SEMA5B: variants seen among roughly 807,000 people sequenced by gnomAD.
SEMA5B encodes the protein semaphorin 5B.
Under a neutral mutation model 135.0 loss-of-function variants are expected in SEMA5B, and 66 were observed. That is an observed-to-expected ratio of 0.49 (90% CI 0.40 to 0.60). The LOEUF (loss-of-function observed/expected upper bound fraction) is 0.60, where lower values mean the gene tolerates loss of function less well. SEMA5B is among the 20% of genes least tolerant of loss of function. The pLI is 0.00. For synonymous variants in SEMA5B, 690 were observed against 639.5 expected, an observed-to-expected ratio of 1.08 and a Z score of -1.19; for missense variants, 1,501 against 1,566.3, an observed-to-expected ratio of 0.96 and a Z score of 0.70.
chr3:122,953,738 T>A (rs1378852611), intron 2 of SEMA5B, among the ~76,000 whole-genome samples: 2 of 152,228 alleles, frequency 1.3e-5, no homozygotes, highest in African/African-American at 2.4e-5. Context: ...CCCATATCAC[T>A]GGAAATGTTA....
In SEMA5B at chr3:122,921,947, T is replaced by C. The variant is rs1372404058; in HGVS notation, c.1656A>G (p.Pro552=). 6.5e-6 allele frequency: 10 copies of C among 1,535,532 alleles called. No individual in the cohort carries two copies. The South Asian group carries it at 1.2e-4, about 18-fold the overall frequency. Reference sequence around the variant, plus strand: ...TGCGGTAGGCGGCGCACCTCTCCAGTGGGACCCGCAGGACGCCGTCTCTCA... The same window carrying C: ...TGCGGTAGGCGGCGCACCTCTCCAGCGGGACCCGCAGGACGCCGTCTCTCA... The part of the protein sequence containing the change: ...VGLRDGVLRV[P]LERCAAYRSQ... The change falls in exon 12 of 23, where the codon CCA becomes CCG. Residue 552 remains proline (P), a synonymous_variant. Coordinates refer to ENST00000357599, the MANE Select transcript of SEMA5B (RefSeq NM_001031702.4).
chr3:123,001,360 T>C (rs1055588266), intron 1 of SEMA5B, among the ~76,000 whole-genome samples: 3 of 152,054 alleles, frequency 2.0e-5, no homozygotes, highest in African/African-American at 7.3e-5. Flanking sequence ...GAACCATAGA[T>C]TTTGGAGAAG....
chr3:122,935,894 C>T (rs1211416516), intron 5 of SEMA5B, among the ~76,000 whole-genome samples: 7 of 151,640 alleles, frequency 4.6e-5, no homozygotes, highest in African/African-American at 7.3e-5. Flanking sequence ...GGTTTCACCA[C>T]GTTGGCCAGG....
intron 2 of SEMA5B, among the ~76,000 whole-genome samples, chr3:122,953,221 C>T (rs984663903): frequency 3.3e-5 from 5 of 152,156 alleles, no homozygotes; most frequent in African/African-American, 9.7e-5. Flanking sequence ...TCACTCTTTC[C>T]CACCCTCCCG....
At chr3:122,929,967 A>G (rs1251581897) in intron 5 of SEMA5B, among the ~76,000 whole-genome samples, 2 of 152,200 alleles carry the variant, frequency 1.3e-5, no homozygotes, top group African/African-American at 4.8e-5. Context: ...CAATGTCAAC[A>G]GCCCTGGCGT....
rs1942631419 is a variant in SEMA5B, at chr3:123,019,519, G to A, written c.-39+7945C>T. 2.0e-5 allele frequency among the ~76,000 whole-genome samples: 3 copies of A among 152,138 alleles called. No homozygotes were observed. In the South Asian group the frequency reaches 6.2e-4, roughly 32 times the overall value. On this transcript the variant is annotated intron_variant, in intron 1 of 22. Coordinates refer to ENST00000357599, the MANE Select transcript of SEMA5B (RefSeq NM_001031702.4). ...TGGGAGGATGGCTTAAGCATGGGAG[G>A]GTGAGCCTGCAGTGAGCTGTGATTG...
chr3:122,922,709 G>A (rs943116904), intron 10 of SEMA5B, among the ~76,000 whole-genome samples: 6 of 152,210 alleles, frequency 3.9e-5, no homozygotes, highest in African/African-American at 1.4e-4. Flanking sequence ...GGAGAGCAAA[G>A]GGGACTGGAC....
intron 1 of SEMA5B, among the ~76,000 whole-genome samples, chr3:123,005,259 C>T (rs1271009013): frequency 1.3e-5 from 2 of 152,164 alleles, no homozygotes; most frequent in Non-Finnish European, 2.9e-5. Flanking sequence ...TTATCTGTCA[C>T]CTATTAAAGG....
chr3:123,005,777 C>T (rs1055328314), intron 1 of SEMA5B, among the ~76,000 whole-genome samples: 11 of 152,158 alleles, frequency 7.2e-5, no homozygotes, highest in Non-Finnish European at 1.5e-5. Context: ...ATCCTGATCC[C>T]TGAAACACTC....
chr3:122,928,981 G>A lies in SEMA5B; in HGVS notation c.537+15C>T, dbSNP rs764025792. ...CAGCTCCAGGTGGGGCCCCTGGACC[G>A]CCGAGACCACGTACCTCAGTCTTCC... On this transcript the variant is annotated intron_variant, in intron 6 of 22. Transcript: ENST00000357599. 35 of 1,610,978 alleles carry A rather than the reference G, an allele frequency of 2.2e-5. No homozygotes were observed. The highest frequency in any genetic ancestry group is 1.7e-4 in the Middle Eastern group (1 of 6,046).
intron 5 of SEMA5B, 110 bp downstream of exon 5, chr3:122,939,315 C>T (rs2107513164): frequency 1.2e-6 from 1 of 851,666 alleles, no homozygotes; most frequent in South Asian, 1.4e-5. Context: ...CAAGTGGCTC[C>T]TGTTTTCAAC....
intron 1 of SEMA5B, among the ~76,000 whole-genome samples, chr3:122,968,431 G>C (rs1051949228): frequency 5.3e-5 from 8 of 152,202 alleles, no homozygotes; most frequent in Non-Finnish European, 8.8e-5. Context: ...GAGTCAGAGA[G>C]GGACGGTCGC....
At chr3:122,926,074 T>C (rs1938614610) in intron 9 of SEMA5B, among the ~76,000 whole-genome samples, 2 of 152,214 alleles carry the variant, frequency 1.3e-5, no homozygotes, top group Non-Finnish European at 2.9e-5. Flanking sequence ...CCTGTGGCTA[T>C]TGCTGCCTGC....
chr3:122,916,822 A>G (rs886086359), intron 12 of SEMA5B, among the ~76,000 whole-genome samples: 3 of 152,100 alleles, frequency 2.0e-5, no homozygotes, highest in Non-Finnish European at 4.4e-5. Flanking sequence ...GAATGAGCTC[A>G]AGCTGTAGGC....
chr3:122,943,033 C>A (rs1168251564), intron 4 of SEMA5B, among the ~76,000 whole-genome samples: 1 of 152,220 alleles, frequency 6.6e-6, no homozygotes, highest in African/African-American at 2.4e-5. Flanking sequence ...CCCTACCCAG[C>A]CGTCCCAGGT....
chr3:122,977,468 C>T (rs1296269819), intron 1 of SEMA5B, among the ~76,000 whole-genome samples: 1 of 152,132 alleles, frequency 6.6e-6, no homozygotes, highest in Non-Finnish European at 1.5e-5. Flanking sequence ...TTTTTACTTG[C>T]TAAGTCTGGC....
chr3:122,964,281 C>T (rs142616164), intron 1 of SEMA5B, among the ~76,000 whole-genome samples: 2 of 152,168 alleles, frequency 1.3e-5, no homozygotes, highest in Non-Finnish European at 2.9e-5. Flanking sequence ...TGGATCCCAA[C>T]CCCAGATGGG....
At chr3:122,924,529 G>A (rs920766079) in intron 9 of SEMA5B, among the ~76,000 whole-genome samples, 18 of 152,080 alleles carry the variant, frequency 1.2e-4, no homozygotes, top group African/African-American at 3.4e-4. Context: ...ATGCACCTCC[G>A]AGCTGGTCGC....
At position 123,018,779 on chromosome 3, in the gene SEMA5B, T is replaced by C. The variant is rs565043443; in HGVS notation, c.-39+8685A>G. Among the ~76,000 whole-genome samples the C allele has an allele frequency of 4.6e-5, 7 of 152,292 alleles. No individual in the cohort carries two copies. In the East Asian group the frequency reaches 1.3e-3, roughly 29 times the overall value. On this transcript the variant is annotated intron_variant, in intron 1 of 22. Transcript: ENST00000357599. ...CAGACTGCCTATCCCCTGTCATGAC[T>C]ATAGCATGCCTCCCTGACAGCCTTA...
Sources: allele counts gnomAD v4.1 joint callset (sites outside exome capture counted in the v4.1 genomes callset), GRCh38; gene constraint gnomAD v4.1.1; transcripts MANE v1.5; gene names NCBI Gene and HGNC (gene_info 2026-07-23, HGNC 2026-07-21).